The following PCDHGB4 variants were observed in gnomAD, a reference collection of about 807,000 sequenced individuals.
PCDHGB4 encodes protocadherin gamma-B4.
A neutral mutation model predicts 60.5 loss-of-function variants in PCDHGB4; 38 were observed. The observed-to-expected ratio is 0.63, with a 90% CI of 0.48 to 0.82. PCDHGB4 has a LOEUF of 0.82. Among genes scored for constraint, PCDHGB4 ranks in the 40% least tolerant of loss-of-function variants. The pLI is 0.00. For missense variants in PCDHGB4, 1,109 were observed against 1,209.6 expected, an observed-to-expected ratio of 0.92 and a Z score of 1.23; for synonymous variants, 456 against 509.7, an observed-to-expected ratio of 0.89 and a Z score of 1.42.
intron 1 of PCDHGB4, among the ~76,000 whole-genome samples, chr5:141,492,927 G>C (rs925569925): frequency 6.6e-6 from 1 of 152,180 alleles, no homozygotes; most frequent in Non-Finnish European, 1.5e-5. Context: ...AGCGATCTAG[G>C]GTCAGAGATT....
intron 1 of PCDHGB4, among the ~76,000 whole-genome samples, chr5:141,453,623 T>C (rs1264665094): frequency 1.3e-5 from 2 of 152,238 alleles, no homozygotes; most frequent in Admixed American, 1.3e-4. Flanking sequence ...AAACAAAACC[T>C]ATACATATTT....
intron 1 of PCDHGB4, chr5:141,440,359 G>T (rs932656332): frequency 5.3e-5 from 8 of 152,106 alleles, no homozygotes; most frequent in Non-Finnish European, 1.2e-4. Context: ...CTAGCTACTC[G>T]GGGGGCCGAG....
chr5:141,388,552 G>C lies in PCDHGB4; in HGVS notation c.668G>C (p.Ser223Thr). ...TTGGACTTTGGAGCTCCACCCCTAA[G>C]CAGCACTGCACAGATACACGTTCTA... ...TALDFGAPPL[S>T]STAQIHVLVT... Residue 223 changes from serine to threonine, a missense_variant, in exon 1 of 4, where the codon AGC (serine) becomes ACC (threonine). Physicochemically the swap from Ser to Thr is moderately conservative, Grantham distance 58 (BLOSUM62 1). This residue lies in a region of PCDHGB4 where 1,068 missense variants were observed against 1,089.9 expected (regional missense o/e 0.98). Transcript: ENST00000519479. 1 of 1,613,814 alleles carries C rather than the reference G, an allele frequency of 6.2e-7. No individual in the cohort carries two copies. Among genetic ancestry groups the C allele is most frequent in the Non-Finnish European group, 8.5e-7 (1 of 1,179,882 alleles).
chr5:141,465,385 C>T (rs752724696), intron 1 of PCDHGB4, among the ~76,000 whole-genome samples: 3 of 151,978 alleles, frequency 2.0e-5, no homozygotes, highest in Admixed American at 6.6e-5. Context: ...AGATTAGGAA[C>T]AAAAACAAGT....
chr5:141,414,375 G>C, intron 1 of PCDHGB4: 1 of 1,613,854 alleles, frequency 6.2e-7, no homozygotes, highest in Non-Finnish European at 8.5e-7. Flanking sequence ...AATTAGAAAA[G>C]TCCATTGACA....
intron 1 of PCDHGB4, among the ~76,000 whole-genome samples, chr5:141,452,713 T>TGAGG (rs2098747318): frequency 6.7e-6 from 1 of 148,530 alleles, no homozygotes; most frequent in Non-Finnish European, 1.5e-5. Flanking sequence ...AAGGAAGGAA[T>TGAGG]GAGGGAGGGA....
Position 141,480,177 on chromosome 5 carries a change from G to T in PCDHGB4, c.2398-14630G>T, listed in dbSNP as rs570721769. 4.6e-5 allele frequency among the ~76,000 whole-genome samples: 7 copies of T among 152,066 alleles called. No homozygotes were observed. In the South Asian group the frequency reaches 6.3e-4, roughly 14 times the overall value. ...CTAGCATTTTGGGAGGCTGAGGCAGGCGGATTGCTTGAGGCCAGCAGTTCA... is the reference window on the plus strand; with the variant it reads ...CTAGCATTTTGGGAGGCTGAGGCAGTCGGATTGCTTGAGGCCAGCAGTTCA... On this transcript the variant is annotated intron_variant, in intron 1 of 3. Coordinates refer to ENST00000519479, the MANE Select transcript of PCDHGB4 (RefSeq NM_003736.4).
rs2099661624 is a variant in PCDHGB4, at chr5:141,487,712, G to A, written c.2398-7095G>A. The stretch of plus-strand genomic sequence containing the variant: ...AGAGAGTACTGGCCTCTCAGTAAGT[G>A]CCCATAGTGATGTCACCATTTTTGT... On this transcript the variant is annotated intron_variant, in intron 1 of 3. Coordinates refer to ENST00000519479, the MANE Select transcript of PCDHGB4 (RefSeq NM_003736.4). The surrounding 1 kb of genome is among the most constrained non-coding windows in gnomAD (Gnocchi z 5.0). The A allele has an allele frequency of 5.0e-6, 8 of 1,585,892 alleles. No individual in the cohort carries two copies. The highest frequency in any genetic ancestry group is 1.1e-5 in the South Asian group (1 of 87,950).
At chr5:141,450,832 T>TTA (rs764784095) in intron 1 of PCDHGB4, among the ~76,000 whole-genome samples, 6,304 of 142,274 alleles carry the variant, frequency 0.044, 222 homozygotes, top group African/African-American at 0.11. Context: ...TATTATTATT[T>TTA]TTTTTTTTTT....
At chr5:141,403,672 G>A in intron 1 of PCDHGB4, 1 of 1,613,846 alleles carries the variant, frequency 6.2e-7, no homozygotes, top group Non-Finnish European at 8.5e-7. Context: ...ATAATGCCCC[G>A]GTTTTTGCTC....
chr5:141,454,796 A>ATTTTTCT (rs2098799790), intron 1 of PCDHGB4, among the ~76,000 whole-genome samples: 1 of 77,408 alleles, frequency 1.3e-5, no homozygotes, highest in African/African-American at 5.9e-5. Context: ...CATGGTTCTA[A>ATTTTTCT]TTTTTTTTTT....
chr5:141,433,406 T>TC (rs397794347), intron 1 of PCDHGB4, among the ~76,000 whole-genome samples: 446 of 150,100 alleles, frequency 3.0e-3, no homozygotes, highest in African/African-American at 0.01. Context: ...TATCTATCTA[T>TC]TACTTTCTTG....
chr5:141,464,402 G>GAT (rs1039725208), intron 1 of PCDHGB4, among the ~76,000 whole-genome samples: 22 of 150,720 alleles, frequency 1.5e-4, no homozygotes, highest in Admixed American at 7.3e-4. Context: ...AAGAACCTGA[G>GAT]ATATATATAT....
chr5:141,435,642 T>C lies in PCDHGB4; in HGVS notation c.2397+45361T>C, dbSNP rs1326178929. On this transcript the variant is annotated intron_variant, in intron 1 of 3. Coordinates refer to ENST00000519479, the MANE Select transcript of PCDHGB4 (RefSeq NM_003736.4). ...CATAACTTTTACAACTATGGGAAAA[T>C]TTCTGAAACGTGCACAGATTCCAAG... Among the ~76,000 whole-genome samples the C allele has an allele frequency of 2.0e-5, 3 of 152,156 alleles. No individual in the cohort carries two copies. The East Asian group carries it at 5.8e-4, about 29-fold the overall frequency.
At chr5:141,414,090 A>C (rs2095707874) in intron 1 of PCDHGB4, 4 of 1,598,352 alleles carry the variant, frequency 2.5e-6, no homozygotes, top group Non-Finnish European at 3.4e-6. Context: ...CTGGAGAAAT[A>C]AAAATATCAG....
intron 1 of PCDHGB4, among the ~76,000 whole-genome samples, chr5:141,450,826 A>T (rs965147554): frequency 1.9e-4 from 26 of 134,356 alleles, no homozygotes; most frequent in East Asian, 6.4e-4. Context: ...TATTATTATT[A>T]TTATTTTTTT....
intron 2 of PCDHGB4, among the ~76,000 whole-genome samples, chr5:141,501,956 A>G (rs527567012): frequency 6.6e-6 from 1 of 152,136 alleles, no homozygotes; most frequent in Non-Finnish European, 1.5e-5. Context: ...GTGACAGGTC[A>G]TCCTCCTAAC....
At chr5:141,404,600 CTG>C (rs2094545529) in intron 1 of PCDHGB4, 2 of 1,613,938 alleles carry the variant, frequency 1.2e-6, no homozygotes, top group Non-Finnish European at 1.7e-6. Context: ...GTCATTGAGA[CTG>C]TTTGTTTTGG....
intron 1 of PCDHGB4, among the ~76,000 whole-genome samples, chr5:141,474,417 C>CCATT (rs1206525105): frequency 6.6e-6 from 1 of 152,222 alleles, no homozygotes; most frequent in East Asian, 1.9e-4. Context: ...GATGCCTAGA[C>CCATT]CATTGGTCCT....
Sources: gnomAD v4.1 joint callset for allele counts (sites outside exome capture counted in the v4.1 genomes callset) on GRCh38, gnomAD v4.1.1 for gene constraint, gnomAD v4.1.1 regional missense constraint, Gnocchi (gnomAD v3.1) non-coding constraint, MANE v1.5 for transcripts, NCBI Gene and HGNC (gene_info 2026-07-23, HGNC 2026-07-21) for gene names.